NELL1: variants seen among roughly 807,000 people sequenced by gnomAD.
NELL1 encodes the protein protein kinase C-binding protein NELL1.
A neutral mutation model predicts 107.4 loss-of-function variants in NELL1; 76 were observed. The observed-to-expected ratio is 0.71, with a 90% confidence interval of 0.59 to 0.86. The LOEUF is 0.86. Among genes scored for constraint, NELL1 ranks in the 40% least tolerant of loss-of-function variants. The pLI is 0.00. For missense variants in NELL1, 1,024 were observed against 1,005.5 expected (o/e 1.02, Z -0.25); for synonymous variants, 353 against 341.2 (o/e 1.03, Z -0.38).
intron 13 of NELL1, among the ~76,000 whole-genome samples, chr11:21,116,890 T>C (rs1026828626): frequency 6.6e-6 from 1 of 152,026 alleles, no homozygotes; most frequent in African/African-American, 2.4e-5. Flanking sequence ...AGAGAAATCA[T>C]ACAACTCTAC....
At chr11:21,185,991 T>G (rs1856927173) in intron 13 of NELL1, among the ~76,000 whole-genome samples, 1 of 151,714 alleles carries the variant, frequency 6.6e-6, no homozygotes. Context: ...CCAAGGAGGC[T>G]CCTAAGGGCC....
chr11:21,514,634 G>A (rs1432136671), intron 15 of NELL1, among the ~76,000 whole-genome samples: 2 of 147,358 alleles, frequency 1.4e-5, no homozygotes, highest in Non-Finnish European at 3.0e-5. Context: ...GTTGGCATCT[G>A]ATTCAATATT....
At chr11:20,786,359 A>AG (rs1412053750) in intron 3 of NELL1, among the ~76,000 whole-genome samples, 1 of 151,754 alleles carries the variant, frequency 6.6e-6, no homozygotes, top group East Asian at 1.9e-4. Flanking sequence ...TCAAAAAAAA[A>AG]AAGAAAAAAA....
At chr11:21,195,650 T>C (rs189666891) in intron 13 of NELL1, among the ~76,000 whole-genome samples, 5 of 152,244 alleles carry the variant, frequency 3.3e-5, no homozygotes, top group East Asian at 1.9e-4. Flanking sequence ...TATTTCAATA[T>C]GTAGTCAGTA....
intron 12 of NELL1, among the ~76,000 whole-genome samples, chr11:21,044,832 C>T (rs1853317782): frequency 6.6e-6 from 1 of 152,086 alleles, no homozygotes; most frequent in Admixed American, 6.6e-5. Flanking sequence ...AAGTATACAT[C>T]TGCGGCCTCT....
intron 13 of NELL1, among the ~76,000 whole-genome samples, chr11:21,148,586 C>T (rs935090111): frequency 1.3e-5 from 2 of 152,128 alleles, no homozygotes; most frequent in Non-Finnish European, 2.9e-5. Context: ...TGATGAACAG[C>T]GTGGGATCAA....
intron 14 of NELL1, among the ~76,000 whole-genome samples, chr11:21,314,864 CT>C (rs750358102): frequency 6.0e-4 from 86 of 144,416 alleles, no homozygotes; most frequent in South Asian, 6.6e-4. Flanking sequence ...AGCAAGAGGG[CT>C]TTTTTTTTTT....
chr11:20,955,302 G>A (rs996859106), intron 11 of NELL1, among the ~76,000 whole-genome samples: 5 of 152,204 alleles, frequency 3.3e-5, no homozygotes, highest in African/African-American at 1.2e-4. Context: ...GTCATAAGTA[G>A]TGAGGCTGGA....
intron 12 of NELL1, among the ~76,000 whole-genome samples, chr11:21,094,169 A>C (rs868202684): frequency 3.0e-4 from 45 of 152,246 alleles, no homozygotes; most frequent in African/African-American, 1.0e-3. Flanking sequence ...AAGGGGCTAC[A>C]GGCCCCATGG....
intron 13 of NELL1, among the ~76,000 whole-genome samples, chr11:21,148,188 T>C (rs1213495831): frequency 6.6e-6 from 1 of 152,090 alleles, no homozygotes; most frequent in Non-Finnish European, 1.5e-5. Flanking sequence ...CATAAACCAT[T>C]CAGAAAAAAT....
chr11:21,085,735 G>T (rs1443848685), intron 12 of NELL1, among the ~76,000 whole-genome samples: 2 of 152,180 alleles, frequency 1.3e-5, no homozygotes, highest in Admixed American at 6.5e-5. Flanking sequence ...TAGAAATTTG[G>T]CATTGTTAGA....
intron 2 of NELL1, among the ~76,000 whole-genome samples, chr11:20,775,283 G>C (rs1485837955): frequency 6.6e-6 from 1 of 152,150 alleles, no homozygotes; most frequent in Admixed American, 6.5e-5. Flanking sequence ...GTATGATGCT[G>C]TATGTACTAT....
chr11:21,509,268 G>T (rs1165544192), intron 15 of NELL1, among the ~76,000 whole-genome samples: 1 of 152,060 alleles, frequency 6.6e-6, no homozygotes, highest in African/African-American at 2.4e-5. Flanking sequence ...ATACTTTTTC[G>T]TTGGGGCATA....
chr11:21,507,245 AATC>A (rs1468772166), intron 15 of NELL1, among the ~76,000 whole-genome samples: 9 of 152,334 alleles, frequency 5.9e-5, no homozygotes, highest in African/African-American at 2.2e-4. Flanking sequence ...TTCATATAAA[AATC>A]ATATTAAGAA....
At chr11:20,845,093 G>GT (rs1298076444) in intron 3 of NELL1, among the ~76,000 whole-genome samples, 1 of 152,198 alleles carries the variant, frequency 6.6e-6, no homozygotes, top group African/African-American at 2.4e-5. Context: ...TGCTTCAGCA[G>GT]TTATCTGACA....
At chr11:21,105,282 C>T (rs1466051629) in intron 12 of NELL1, among the ~76,000 whole-genome samples, 1 of 152,028 alleles carries the variant, frequency 6.6e-6, no homozygotes, top group Non-Finnish European at 1.5e-5. Context: ...AGAGAGAGGG[C>T]CACCAAAGTG....
intron 12 of NELL1, among the ~76,000 whole-genome samples, chr11:21,067,718 C>T (rs7106924): frequency 0.21 from 32,107 of 151,950 alleles, 3,686 homozygotes; most frequent in East Asian, 0.29. Context: ...TATTCTTTAA[C>T]AGATTTGTCA....
intron 13 of NELL1, among the ~76,000 whole-genome samples, chr11:21,196,040 A>G (rs1007981881): frequency 5.9e-5 from 9 of 152,200 alleles, no homozygotes; most frequent in African/African-American, 1.9e-4. Context: ...TATTGTTTCT[A>G]CATCTTGTGT....
chr11:21,326,064 TTTTTTTTTTTTTTTTTTG>T (rs962307694), intron 14 of NELL1, among the ~76,000 whole-genome samples: 11 of 93,936 alleles, frequency 1.2e-4, no homozygotes, highest in South Asian at 4.2e-4. Context: ...TTTTTTTTTT[TTTTTTTTTTTTTTTTTTG>T]GGCTATTTTG....
Sources: allele counts gnomAD v4.1 joint callset (sites outside exome capture counted in the v4.1 genomes callset), GRCh38; gene constraint gnomAD v4.1.1; transcripts MANE v1.5; gene names NCBI Gene and HGNC (gene_info 2026-07-23, HGNC 2026-07-21).